The following CCDC91 variants were observed in gnomAD, a reference collection of about 807,000 sequenced individuals.
CCDC91 encodes coiled-coil domain containing 91.
In CCDC91, 48 loss-of-function variants were observed where a neutral mutation model predicts 63.2. That is an observed-to-expected ratio of 0.76 (90% CI 0.60 to 0.97). The LOEUF (loss-of-function observed/expected upper bound fraction) is 0.97. CCDC91 is among the 50% of genes least tolerant of loss of function. The probability of loss-of-function intolerance (pLI) is 0.00; values close to 1 mark genes in which losing one functional copy is unlikely to be tolerated. For missense variants in CCDC91, 500 were observed against 494.6 expected, an observed-to-expected ratio of 1.01 and a Z score of -0.10; for synonymous variants, 167 against 165.8, an observed-to-expected ratio of 1.01 and a Z score of -0.06.
chr12:28,385,967 CT>C (rs1298722707), intron 7 of CCDC91, among the ~76,000 whole-genome samples: 3 of 152,078 alleles, frequency 2.0e-5, no homozygotes, highest in African/African-American at 7.2e-5. Context: ...GACTTAATAC[CT>C]TTGTTTTCTA....
Position 28,548,458 on chromosome 12 carries a change from A to T in CCDC91, c.1216-605A>T, listed in dbSNP as rs1267367525. On this transcript the variant is annotated intron_variant, in intron 12 of 12. Transcript: ENST00000536442. ...CTAATTTTTTATATATTTAGTAGAG[A>T]TGGTGTTTCACCATGTTGGCCAGGC... Among the ~76,000 whole-genome samples the T allele has an allele frequency of 2.0e-5, 3 of 152,054 alleles. No homozygotes were observed. The East Asian group carries it at 5.8e-4, about 29-fold the overall frequency.
intron 6 of CCDC91, among the ~76,000 whole-genome samples, chr12:28,338,258 C>CTTTTT (rs71039893): frequency 1.4e-5 from 2 of 143,808 alleles, no homozygotes; most frequent in Non-Finnish European, 3.0e-5. Flanking sequence ...CCTTATGGAT[C>CTTTTT]TTTTTTTTTT....
intron 1 of CCDC91, among the ~76,000 whole-genome samples, chr12:28,224,221 A>G (rs574431202): frequency 1.3e-5 from 2 of 152,238 alleles, no homozygotes; most frequent in South Asian, 4.1e-4. Flanking sequence ...GGCTTAAGTC[A>G]TGGGGTTTTA....
intron 6 of CCDC91, among the ~76,000 whole-genome samples, chr12:28,320,431 T>C (rs1940374533): frequency 6.6e-6 from 1 of 151,832 alleles, no homozygotes; most frequent in Admixed American, 6.6e-5. Flanking sequence ...TAGGAAAACA[T>C]GGACTTACAA....
At chr12:28,434,594 GTTTTT>G (rs376645678) in intron 8 of CCDC91, among the ~76,000 whole-genome samples, 6 of 73,438 alleles carry the variant, frequency 8.2e-5, no homozygotes, top group African/African-American at 3.5e-4. Context: ...CCTTGGTCTG[GTTTTT>G]TTTTTTTTTT....
chr12:28,307,307 C>G (rs1486336267), intron 5 of CCDC91, among the ~76,000 whole-genome samples: 1 of 151,918 alleles, frequency 6.6e-6, no homozygotes, highest in Non-Finnish European at 1.5e-5. Context: ...GACAAGAGTA[C>G]TTAGGTATAC....
At chr12:28,388,015 CTG>C (rs548396752) in intron 7 of CCDC91, among the ~76,000 whole-genome samples, 14 of 152,208 alleles carry the variant, frequency 9.2e-5, no homozygotes, top group African/African-American at 3.1e-4. Context: ...CAGTGTAAAA[CTG>C]TTCTCTTTTC....
At chr12:28,320,888 A>T (rs746536470) in intron 6 of CCDC91, among the ~76,000 whole-genome samples, 1 of 151,864 alleles carries the variant, frequency 6.6e-6, no homozygotes, top group Non-Finnish European at 1.5e-5. Flanking sequence ...AAGTGATTTA[A>T]GCGATATTGC....
chr12:28,354,180 C>G (rs1051608895), intron 6 of CCDC91, among the ~76,000 whole-genome samples: 2 of 152,236 alleles, frequency 1.3e-5, no homozygotes, highest in Admixed American at 1.3e-4. Context: ...AAATCAACAT[C>G]TTGGCAGGGT....
intron 11 of CCDC91, among the ~76,000 whole-genome samples, chr12:28,472,051 C>T (rs1950847305): frequency 6.6e-6 from 1 of 152,136 alleles, no homozygotes. Flanking sequence ...ACGCCCGGCC[C>T]ATTGTTTCAT....
At chr12:28,477,041 G>C (rs1951136740) in intron 11 of CCDC91, among the ~76,000 whole-genome samples, 1 of 152,078 alleles carries the variant, frequency 6.6e-6, no homozygotes, top group Non-Finnish European at 1.5e-5. Context: ...TTCTACCAGA[G>C]GTACAAGGAG....
intron 8 of CCDC91, among the ~76,000 whole-genome samples, chr12:28,446,504 G>GT (rs1949508046): frequency 6.6e-6 from 1 of 152,230 alleles, no homozygotes; most frequent in South Asian, 2.1e-4. Flanking sequence ...TATTTATATA[G>GT]TTTTTTGTAG....
At chr12:28,399,117 G>T (rs1303045599) in intron 8 of CCDC91, among the ~76,000 whole-genome samples, 1 of 152,154 alleles carries the variant, frequency 6.6e-6, no homozygotes, top group Non-Finnish European at 1.5e-5. Context: ...AGGTTTATTA[G>T]TCTGTTTTCA....
chr12:28,334,726 A>G (rs751598523), intron 6 of CCDC91, among the ~76,000 whole-genome samples: 20 of 152,206 alleles, frequency 1.3e-4, no homozygotes, highest in Admixed American at 4.6e-4. Context: ...AGGAAATCCA[A>G]TGGGGCAGTA....
intron 12 of CCDC91, among the ~76,000 whole-genome samples, chr12:28,512,827 C>T (rs543465020): frequency 6.6e-4 from 101 of 151,926 alleles, no homozygotes; most frequent in African/African-American, 2.1e-3. Flanking sequence ...GGAAGGGATT[C>T]GATGCCACAG....
intron 3 of CCDC91, among the ~76,000 whole-genome samples, chr12:28,301,302 A>T (rs1299697481): frequency 6.6e-6 from 1 of 151,584 alleles, no homozygotes; most frequent in Non-Finnish European, 1.5e-5. Context: ...TATCACGGGC[A>T]TTTCCAGAGT....
chr12:28,336,624 T>TC (rs1329766102), intron 6 of CCDC91, among the ~76,000 whole-genome samples: 1 of 152,124 alleles, frequency 6.6e-6, no homozygotes, highest in Admixed American at 6.5e-5. Flanking sequence ...AATTGTTATT[T>TC]CTAGTATGCA....
Position 28,305,705 on chromosome 12 carries a change from T to C in CCDC91, c.166T>C (p.Ser56Pro), listed in dbSNP as rs1020611207. Residue 56 changes from serine (S) to proline (P), a missense_variant, in exon 4 of 13, where the codon TCT becomes CCT. Physicochemically the swap from Ser to Pro is moderately conservative, Grantham distance 74. Coordinates refer to ENST00000536442, the MANE Select transcript of CCDC91 (RefSeq NM_018318.5). ...TGAGATTGTACTGGACCGTGACCAC[T>C]CTTCTTCCATTGGCTGCCTCTCTTC... ...SPEIVLDRDH[S>P]SSIGCLSSDA... 4 of 1,613,324 alleles carry C rather than the reference T, an allele frequency of 2.5e-6. No individual in the cohort carries two copies. The highest frequency in any genetic ancestry group is 2.7e-5 in the African/African-American group (2 of 74,870).
chr12:28,220,255 A>G (rs1943846259), intron 1 of CCDC91, among the ~76,000 whole-genome samples: 1 of 151,650 alleles, frequency 6.6e-6, no homozygotes, highest in Non-Finnish European at 1.5e-5. Context: ...TCCTAGGTGT[A>G]TATCTTTGCT....
Sources: allele counts gnomAD v4.1 joint callset (sites outside exome capture counted in the v4.1 genomes callset), GRCh38; gene constraint gnomAD v4.1.1; transcripts MANE v1.5; gene names NCBI Gene and HGNC (gene_info 2026-07-23, HGNC 2026-07-21).